The following OTUD7A variants were observed in gnomAD, a reference collection of about 807,000 sequenced individuals.
The protein encoded by OTUD7A is OTU deubiquitinase 7A.
In OTUD7A, 12 loss-of-function variants were observed where a neutral mutation model predicts 65.7. The ratio of observed to expected loss-of-function variants is 0.18; its 90% CI spans 0.12 to 0.30. The LOEUF is 0.30. Among genes scored for constraint, OTUD7A ranks in the 10% least tolerant of loss-of-function variants. The probability of loss-of-function intolerance (pLI) is 1.00; values close to 1 mark genes in which losing one functional copy is unlikely to be tolerated. For missense variants in OTUD7A, 1,148 were observed against 1,304.8 expected (o/e 0.88, Z 1.85); for synonymous variants, 641 against 586.3 (o/e 1.09, Z -1.35).
chr15:31,693,253 T>G (rs1892998505), intron 1 of OTUD7A, among the ~76,000 whole-genome samples: 1 of 152,266 alleles, frequency 6.6e-6, no homozygotes, highest in Non-Finnish European at 1.5e-5. Context: ...TCTCTTTTTT[T>G]TGTACTCTAA....
chr15:31,655,522 A>T (rs1045009975), intron 2 of OTUD7A, among the ~76,000 whole-genome samples: 1 of 151,616 alleles, frequency 6.6e-6, no homozygotes, highest in African/African-American at 2.4e-5. Flanking sequence ...CCCAAAATTC[A>T]TATGTTGATA....
Position 31,476,425 on chromosome 15 carries a change from G to C in OTUD7A, c.*6869C>G, listed in dbSNP as rs1407051335. 1.3e-5 allele frequency: 2 copies of C among 152,260 alleles called. No individual in the cohort carries two copies. The highest frequency in any genetic ancestry group is 4.8e-5 in the African/African-American group (2 of 41,442). The allele number at this position is 152,260 out of a possible 1,614,324, so 9.4% of individuals were successfully genotyped here. A position where few individuals can be genotyped will look rare whatever the true frequency, so the allele number is the denominator to read the frequency against. ...CGGGAAGAATGTGTGCAAAGAGCTG[G>C]ACAGCCCATAGGGCCTGGGAGACCT... On this transcript the variant is annotated 3_prime_UTR_variant, in exon 13 of 13. Coordinates refer to ENST00000307050, the MANE Select transcript of OTUD7A (RefSeq NM_001382637.1).
chr15:31,559,287 A>T, intron 4 of OTUD7A, 100 bp from the exon 5 acceptor site: 1 of 1,126,778 alleles, frequency 8.9e-7, no homozygotes, highest in Non-Finnish European at 1.3e-6. Context: ...ATACACACAC[A>T]CAGGTACACA....
At chr15:31,553,798 C>G (rs1046274951) in intron 5 of OTUD7A, among the ~76,000 whole-genome samples, 1 of 152,076 alleles carries the variant, frequency 6.6e-6, no homozygotes, top group Admixed American at 6.5e-5. Context: ...CCAGCCGTCT[C>G]TCTCTGCCCT....
intron 1 of OTUD7A, among the ~76,000 whole-genome samples, chr15:31,850,971 C>T (rs1206775036): frequency 1.3e-5 from 2 of 152,096 alleles, no homozygotes; most frequent in African/African-American, 4.8e-5. Context: ...CAGCTCCCAC[C>T]CCACCAACAC....
At chr15:31,562,195 C>A (rs1270441268) in intron 4 of OTUD7A, among the ~76,000 whole-genome samples, 1 of 152,142 alleles carries the variant, frequency 6.6e-6, no homozygotes, top group East Asian at 1.9e-4. Flanking sequence ...GGAGAGGCTG[C>A]CCCTCCCAGG....
chr15:31,768,008 G>A (rs1206641203), intron 1 of OTUD7A: 83 of 1,596,644 alleles, frequency 5.2e-5, no homozygotes, highest in Non-Finnish European at 6.8e-5. Flanking sequence ...TGTAACTTCA[G>A]GACCAAAATT....
intron 1 of OTUD7A, among the ~76,000 whole-genome samples, chr15:31,777,403 C>T (rs990374837): frequency 2.0e-5 from 3 of 152,180 alleles, no homozygotes; most frequent in South Asian, 2.1e-4. Context: ...AAATGGTCAA[C>T]GCTGAACCAT....
chr15:31,514,642 C>T (rs1265210564), intron 8 of OTUD7A, among the ~76,000 whole-genome samples: 2 of 152,186 alleles, frequency 1.3e-5, no homozygotes, highest in African/African-American at 2.4e-5. Flanking sequence ...TCAGTCTTCC[C>T]ATATGTCAGC....
chr15:31,649,912 T>C, intron 3 of OTUD7A: 1 of 221,328 alleles, frequency 4.5e-6, no homozygotes, highest in Non-Finnish European at 1.0e-5. Context: ...GTCTCCCCAG[T>C]GTGGAGTCAA....
intron 8 of OTUD7A, among the ~76,000 whole-genome samples, chr15:31,517,874 A>G (rs2041880914): frequency 6.6e-6 from 1 of 152,082 alleles, no homozygotes; most frequent in South Asian, 2.1e-4. Flanking sequence ...CTTGGAGACC[A>G]TCCTCGGCAA....
intron 8 of OTUD7A, among the ~76,000 whole-genome samples, chr15:31,518,738 C>T (rs1365590679): frequency 6.6e-6 from 1 of 152,214 alleles, no homozygotes; most frequent in African/African-American, 2.4e-5. Context: ...TGCCTCAACC[C>T]CTCTCTCAGG....
At chr15:31,839,246 C>T (rs1897129052) in intron 1 of OTUD7A, among the ~76,000 whole-genome samples, 1 of 152,208 alleles carries the variant, frequency 6.6e-6, no homozygotes, top group South Asian at 2.1e-4. Context: ...AGTGGGCAGG[C>T]GCTGGCCTCA....
intron 1 of OTUD7A, among the ~76,000 whole-genome samples, chr15:31,820,118 C>G (rs1234300781): frequency 6.6e-6 from 1 of 152,148 alleles, no homozygotes; most frequent in Non-Finnish European, 1.5e-5. Context: ...TACTTCATAT[C>G]ACAGGAAGCA....
intron 3 of OTUD7A, among the ~76,000 whole-genome samples, chr15:31,627,360 G>A (rs1458962733): frequency 1.3e-5 from 2 of 150,740 alleles, no homozygotes; most frequent in Non-Finnish European, 1.5e-5. Context: ...TTGTCCTTGA[G>A]ATAGTTTGCT....
At chr15:31,758,809 C>T (rs1321546995) in intron 1 of OTUD7A, among the ~76,000 whole-genome samples, 2 of 152,074 alleles carry the variant, frequency 1.3e-5, no homozygotes, top group Admixed American at 6.5e-5. Context: ...CTCCACTCAA[C>T]GCTGCACCCC....
intron 1 of OTUD7A, among the ~76,000 whole-genome samples, chr15:31,762,633 C>T (rs1050427862): frequency 3.9e-5 from 6 of 152,184 alleles, no homozygotes; most frequent in South Asian, 2.1e-4. Context: ...CTGAGTGGTG[C>T]GTAAGCTATA....
intron 1 of OTUD7A, among the ~76,000 whole-genome samples, chr15:31,720,781 C>A (rs1287021652): frequency 1.3e-5 from 2 of 150,994 alleles, no homozygotes; most frequent in African/African-American, 2.4e-5. Context: ...AATGTCCTGG[C>A]CTTCACATTC....
At chr15:31,812,895 A>G (rs984938013) in intron 1 of OTUD7A, among the ~76,000 whole-genome samples, 3 of 152,146 alleles carry the variant, frequency 2.0e-5, no homozygotes, top group African/African-American at 7.2e-5. Flanking sequence ...AACATCTTCT[A>G]AAATATAAGG....
Sources: allele counts gnomAD v4.1 joint callset (sites outside exome capture counted in the v4.1 genomes callset), GRCh38; gene constraint gnomAD v4.1.1; transcripts MANE v1.5; gene names NCBI Gene and HGNC (gene_info 2026-07-23, HGNC 2026-07-21).